The following ARHGAP24 variants were observed in gnomAD, a reference collection of about 807,000 sequenced individuals.
ARHGAP24 encodes Rho GTPase activating protein 24, also known as rho GTPase-activating protein 24.
In ARHGAP24, 50 loss-of-function variants were observed where a neutral mutation model predicts 76.4. The observed-to-expected ratio is 0.65, with a 90% confidence interval of 0.52 to 0.83. The LOEUF (loss-of-function observed/expected upper bound fraction) is 0.83, where lower values mean the gene tolerates loss of function less well. ARHGAP24 is among the 40% of genes least tolerant of loss of function. The pLI, the probability that ARHGAP24 is intolerant of heterozygous loss-of-function variation, is 0.00. For missense variants in ARHGAP24, 930 were observed against 914.2 expected (o/e 1.02, Z -0.22); for synonymous variants, 345 against 323.3 (o/e 1.07, Z -0.72).
intron 3 of ARHGAP24, among the ~76,000 whole-genome samples, chr4:85,742,332 G>C (rs181949616): frequency 1.5e-4 from 23 of 152,318 alleles, no homozygotes; most frequent in Middle Eastern, 3.4e-3. Context: ...GAGGACAGAA[G>C]AGAGGAGAAG....
In ARHGAP24 at chr4:85,977,655, C is replaced by G; in HGVS notation, c.892C>G (p.Arg298Gly). The G allele has an allele frequency of 6.2e-7, 1 of 1,613,774 alleles. No individual in the cohort carries two copies. The highest frequency in any genetic ancestry group is 8.5e-7 in the Non-Finnish European group (1 of 1,179,770). ...AACGGTCTTTGGTCCTAATATCCTGCGCCCCAAAGTGGAAGATCCTTTGAC... is the reference window on the plus strand; with the variant it reads ...AACGGTCTTTGGTCCTAATATCCTGGGCCCCAAAGTGGAAGATCCTTTGAC... ...LATVFGPNILRPKVEDPLTIM... is the reference protein window; with the variant it reads ...LATVFGPNILGPKVEDPLTIM... Residue 298 changes from arginine (R) to glycine (G), a missense_variant, in exon 8 of 10, where the codon CGC becomes GGC. Transcript: ENST00000395184.
At chr4:85,693,250 TTGGGGGAG>T (rs1305317698) in intron 2 of ARHGAP24, among the ~76,000 whole-genome samples, 14 of 152,162 alleles carry the variant, frequency 9.2e-5, no homozygotes, top group African/African-American at 3.4e-4. Flanking sequence ...CTCCTGGGCC[TTGGGGGAG>T]CACCCTCCAA....
intron 2 of ARHGAP24, among the ~76,000 whole-genome samples, chr4:85,649,400 A>G (rs1417925158): frequency 6.6e-6 from 1 of 152,128 alleles, no homozygotes; most frequent in Admixed American, 6.6e-5. Flanking sequence ...GCGGTGTTCA[A>G]TATTTAAATG....
intron 1 of ARHGAP24, among the ~76,000 whole-genome samples, chr4:85,563,479 G>A (rs1221565735): frequency 1.3e-5 from 2 of 152,060 alleles, no homozygotes; most frequent in African/African-American, 4.8e-5. Flanking sequence ...CAAATTTTCT[G>A]GTGTCTCTTC....
At chr4:85,511,711 C>T (rs765361893) in intron 1 of ARHGAP24, among the ~76,000 whole-genome samples, 1 of 152,098 alleles carries the variant, frequency 6.6e-6, no homozygotes, top group Non-Finnish European at 1.5e-5. Flanking sequence ...GTGATCCACC[C>T]GCCTCGGCCT....
intron 3 of ARHGAP24, among the ~76,000 whole-genome samples, chr4:85,732,918 G>A (rs887628087): frequency 4.0e-5 from 6 of 150,066 alleles, no homozygotes; most frequent in Non-Finnish European, 5.9e-5. Flanking sequence ...GGTTGGTCTC[G>A]AACTCCCAAC....
In ARHGAP24 at chr4:85,485,502, T is replaced by A. The variant is rs559268641; in HGVS notation, c.-21+9943T>A. Reference sequence around the variant, plus strand: ...GGTCCTCCTTTATTTTTTGTTTAAATAAATGCTATGGTTGGAGAAAAGTGA... The same window carrying A: ...GGTCCTCCTTTATTTTTTGTTTAAAAAAATGCTATGGTTGGAGAAAAGTGA... On this transcript the variant is annotated intron_variant, in intron 1 of 9. Coordinates refer to ENST00000395184, the MANE Select transcript of ARHGAP24 (RefSeq NM_001025616.3). Among the ~76,000 whole-genome samples the A allele has an allele frequency of 2.0e-5, 3 of 148,460 alleles. No individual in the cohort carries two copies. The East Asian group carries it at 5.9e-4, about 29-fold the overall frequency.
chr4:85,566,106 G>A, intron 1 of ARHGAP24, among the ~76,000 whole-genome samples: 1 of 152,146 alleles, frequency 6.6e-6, no homozygotes. Flanking sequence ...TTGATACAAA[G>A]GCACAGGTTA....
chr4:85,840,161 A>C (rs10004914), intron 3 of ARHGAP24, among the ~76,000 whole-genome samples: 1,912 of 150,272 alleles, frequency 0.013, 43 homozygotes, highest in African/African-American at 0.044. Context: ...CACCACGCCC[A>C]GCCTTAAGTG....
At chr4:85,797,886 G>T (rs1337336411) in intron 3 of ARHGAP24, among the ~76,000 whole-genome samples, 1 of 152,130 alleles carries the variant, frequency 6.6e-6, no homozygotes, top group Non-Finnish European at 1.5e-5. Context: ...AAGGAGGGGG[G>T]CAAAACAACC....
At chr4:85,840,529 T>C (rs1730542827) in intron 3 of ARHGAP24, among the ~76,000 whole-genome samples, 1 of 152,204 alleles carries the variant, frequency 6.6e-6, no homozygotes, top group African/African-American at 2.4e-5. Flanking sequence ...TCCTTCCGTA[T>C]TAATTGTTTC....
rs1230253584 is a variant in ARHGAP24, at chr4:85,732,691, CTTCT to C, written c.268+10722_268+10725del. Among the ~76,000 whole-genome samples, 25 of 90,892 alleles carry C rather than the reference CTTCT, an allele frequency of 2.8e-4. No homozygotes were observed. In the East Asian group the frequency reaches 6.5e-3, roughly 24 times the overall value. The allele number at this position is 90,892 out of a possible 152,430, so 59.6% of individuals were successfully genotyped here. A position where few individuals can be genotyped will look rare whatever the true frequency, so the allele number is the denominator to read the frequency against. On this transcript the variant is annotated intron_variant, in intron 3 of 9. Transcript: ENST00000395184. ...TAGGATTAATAAACAAAAATTCAAACTTCTTTTTTTTTTTTTTTTGAGACAGAGT... is the reference window on the plus strand; with the variant it reads ...TAGGATTAATAAACAAAAATTCAAACTTTTTTTTTTTTTTTGAGACAGAGT...
intron 6 of ARHGAP24, 112 bp downstream of exon 6, chr4:85,972,280 TC>T (rs1739032981): frequency 1.4e-6 from 2 of 1,401,368 alleles, no homozygotes; most frequent in Admixed American, 3.7e-5. Context: ...CTCTCCACTA[TC>T]CTTTGAATTG....
At chr4:85,976,958 T>C (rs1223918006) in intron 7 of ARHGAP24, among the ~76,000 whole-genome samples, 1 of 151,392 alleles carries the variant, frequency 6.6e-6, no homozygotes, top group Non-Finnish European at 1.5e-5. Context: ...CGTTTTTGTA[T>C]TTTTTTTAGT....
intron 2 of ARHGAP24, among the ~76,000 whole-genome samples, chr4:85,649,707 A>C (rs1199575461): frequency 6.7e-6 from 1 of 150,338 alleles, no homozygotes; most frequent in Non-Finnish European, 1.5e-5. Flanking sequence ...AACCAAAACA[A>C]ATTTCATGAT....
At chr4:85,921,361 A>G (rs961362112) in intron 3 of ARHGAP24, among the ~76,000 whole-genome samples, 1 of 152,090 alleles carries the variant, frequency 6.6e-6, no homozygotes, top group Non-Finnish European at 1.5e-5. Flanking sequence ...GAGGGGAACA[A>G]CATGCACTGA....
At chr4:85,859,654 G>A (rs940708345) in intron 3 of ARHGAP24, among the ~76,000 whole-genome samples, 1 of 152,100 alleles carries the variant, frequency 6.6e-6, no homozygotes, top group Non-Finnish European at 1.5e-5. Context: ...AGTGACAAGT[G>A]AAGTTTTAGG....
rs538820837 is a variant in ARHGAP24 at position 85,820,364 on chromosome 4, C to T, written c.268+98392C>T. On this transcript the variant is annotated intron_variant, in intron 3 of 9. Transcript: ENST00000395184. ...ACAGATGGAGCTGGAGGCCATTATC[C>T]TTAGCAAACTAACACAGGAACAGAA... Among the ~76,000 whole-genome samples the T allele has an allele frequency of 3.5e-4, 54 of 152,202 alleles. 1 individual carries two copies. The highest frequency in any genetic ancestry group is 1.3e-3 in the African/African-American group (52 of 41,516).
At chr4:85,713,940 T>A (rs1330086898) in intron 2 of ARHGAP24, among the ~76,000 whole-genome samples, 1 of 152,124 alleles carries the variant, frequency 6.6e-6, no homozygotes, top group Non-Finnish European at 1.5e-5. Context: ...ATAATACATG[T>A]ATATTAAGAA....
Sources: allele counts gnomAD v4.1 joint callset (sites outside exome capture counted in the v4.1 genomes callset), GRCh38; gene constraint gnomAD v4.1.1; transcripts MANE v1.5; gene names NCBI Gene and HGNC (gene_info 2026-07-23, HGNC 2026-07-21).